Variants in GCLM observed in about 807,000 individuals in gnomAD.
GCLM encodes the protein glutamate--cysteine ligase regulatory subunit.
GCLM carries 15 observed loss-of-function variants against 36.0 expected under a neutral mutation model. That is an observed-to-expected ratio of 0.42 (90% CI 0.28 to 0.64). GCLM has a LOEUF of 0.64. GCLM is among the 30% of genes least tolerant of loss of function. The pLI is 0.25. For synonymous variants in GCLM, 129 were observed against 122.8 expected (o/e 1.05, Z -0.34); for missense variants, 242 against 325.5 (o/e 0.74, Z 1.97).
intron 1 of GCLM, among the ~76,000 whole-genome samples, chr1:93,905,150 G>A (rs1329943630): frequency 7.1e-6 from 1 of 140,772 alleles, no homozygotes; most frequent in African/African-American, 2.7e-5. Context: ...TCCAGCCTGG[G>A]CAACAGAGCA....
intron 2 of GCLM, among the ~76,000 whole-genome samples, chr1:93,902,605 T>A (rs575553530): frequency 6.6e-6 from 1 of 152,136 alleles, no homozygotes; most frequent in East Asian, 1.9e-4. Flanking sequence ...GCCTCCCCCA[T>A]TATCAACATA....
At position 93,897,828 on chromosome 1, in the gene GCLM, T is replaced by G; in HGVS notation, c.337+11A>C. 2 of 1,497,316 alleles carry G rather than the reference T, an allele frequency of 1.3e-6. No individual in the cohort carries two copies. Among genetic ancestry groups the G allele is most frequent in the Non-Finnish European group, 1.8e-6 (2 of 1,106,584 alleles). The allele number at this position is 1,497,316 out of a possible 1,614,324, so 92.8% of individuals were successfully genotyped here. ...TCCACTATTAAGATAAAAAATTCAGTTTTTGCTTACCCATGTCAACTGCAC... is the reference window on the plus strand; with the variant it reads ...TCCACTATTAAGATAAAAAATTCAGGTTTTGCTTACCCATGTCAACTGCAC... On this transcript the variant is annotated intron_variant, in intron 4 of 6. Transcript: ENST00000370238.
rs566276157 is a variant in GCLM at position 93,887,093 on chromosome 1, T to C, written c.*1897A>G. 1 of 151,250 alleles carries C rather than the reference T, an allele frequency of 6.6e-6. No homozygotes were observed. The highest frequency in any genetic ancestry group is 2.4e-5 in the African/African-American group (1 of 41,068). 9.4% of individuals were successfully genotyped at this position (151,250 alleles called of 1,614,324 possible). The stretch of plus-strand genomic sequence containing the variant: ...TCACTGCAAACTCCGCCTCCCAGGT[T>C]CAAGCGATTCTCGTGCCTCGCCTCC... On this transcript the variant is annotated 3_prime_UTR_variant, in exon 7 of 7. Coordinates refer to ENST00000370238, the MANE Select transcript of GCLM (RefSeq NM_002061.4).
intron 5 of GCLM, among the ~76,000 whole-genome samples, chr1:93,896,400 G>C (rs1656736153): frequency 1.3e-5 from 2 of 152,030 alleles, no homozygotes; most frequent in African/African-American, 2.4e-5. Context: ...TTAACATTCA[G>C]TTCAATCAGA....
intron 1 of GCLM, chr1:93,908,523 A>T (rs2100931799): frequency 6.6e-6 from 1 of 152,392 alleles, no homozygotes; most frequent in Non-Finnish European, 1.5e-5. Flanking sequence ...TATTTAGGGT[A>T]TTCCAAAGCC....
intron 6 of GCLM, among the ~76,000 whole-genome samples, chr1:93,892,405 T>A (rs1331894906): frequency 1.3e-5 from 2 of 152,104 alleles, no homozygotes; most frequent in Non-Finnish European, 2.9e-5. Flanking sequence ...TTTGGTTGCT[T>A]AAAAAAATAA....
chr1:93,891,438 CCTCT>C (rs1346724263), intron 6 of GCLM, among the ~76,000 whole-genome samples: 1 of 152,214 alleles, frequency 6.6e-6, no homozygotes, highest in African/African-American at 2.4e-5. Flanking sequence ...AGTAGAGAGG[CCTCT>C]CTGACTGTAC....
rs1410524260 is a variant in GCLM, at chr1:93,886,374, T to C, written c.*2616A>G. 2.0e-5 allele frequency: 3 copies of C among 152,194 alleles called. No homozygotes were observed. Among genetic ancestry groups the C allele is most frequent in the African/African-American group, 7.2e-5 (3 of 41,448 alleles). The allele number at this position is 152,194 out of a possible 1,614,324, so 9.4% of individuals were successfully genotyped here. On this transcript the variant is annotated 3_prime_UTR_variant, in exon 7 of 7. Transcript: ENST00000370238. ...GGTAGTATTACCACTCTCTATTTTATGGCTTTTTAAACATTAAGTCCTTAA... is the reference window on the plus strand; with the variant it reads ...GGTAGTATTACCACTCTCTATTTTACGGCTTTTTAAACATTAAGTCCTTAA...
At chr1:93,894,544 G>T in intron 6 of GCLM, 70 bp downstream of exon 6, 1 of 815,232 alleles carries the variant, frequency 1.2e-6, no homozygotes. Flanking sequence ...TTAAAATTAT[G>T]TATCAACAAA....
intron 3 of GCLM, among the ~76,000 whole-genome samples, chr1:93,898,369 T>G (rs897784713): frequency 6.7e-6 from 1 of 148,788 alleles, no homozygotes; most frequent in Non-Finnish European, 1.5e-5. Context: ...ATTTTCATTT[T>G]CAGACACTAT....
chr1:93,901,823 T>C (rs575742627), intron 2 of GCLM, among the ~76,000 whole-genome samples, 154 bp from the exon 3 acceptor site: 2 of 152,234 alleles, frequency 1.3e-5, no homozygotes, highest in Admixed American at 1.3e-4. Context: ...ACAAGGGTTG[T>C]AAAGCTCTGA....
rs1385361241 is a variant in GCLM, at chr1:93,888,193, T to TAC, written c.*795_*796dup. 6.6e-6 allele frequency: 1 copy of TAC among 152,210 alleles called. No individual in the cohort carries two copies. Among genetic ancestry groups the TAC allele is most frequent in the Non-Finnish European group, 1.5e-5 (1 of 68,024 alleles). 9.4% of individuals were successfully genotyped at this position (152,210 alleles called of 1,614,324 possible). ...ATCCCAACATATGGTAAATACTCAA[T>TAC]ACTTATTGAGGATTCTTGAATGAGT... is the stretch of plus-strand genomic sequence containing the variant. On this transcript the variant is annotated 3_prime_UTR_variant, in exon 7 of 7. Transcript: ENST00000370238.
intron 4 of GCLM, 107 bp downstream of exon 4, chr1:93,897,732 G>C: frequency 1.7e-6 from 1 of 604,956 alleles, no homozygotes; most frequent in Non-Finnish European, 2.9e-6. Context: ...GGTAAAATTG[G>C]AATCAACTCA....
chr1:93,908,568 TAGAG>T (rs368967352), intron 1 of GCLM: 1,890 of 152,496 alleles, frequency 0.012, 35 homozygotes, highest in African/African-American at 0.043. Flanking sequence ...CTCACTGCAA[TAGAG>T]AGTCTAATGT....
Position 93,909,394 on chromosome 1 carries a change from G to T in GCLM, c.-231C>A. 2 of 699,550 alleles carry T rather than the reference G, an allele frequency of 2.9e-6. No individual in the cohort carries two copies. Among genetic ancestry groups the T allele is most frequent in the Non-Finnish European group, 3.6e-6 (2 of 562,078 alleles). 43.3% of individuals were successfully genotyped at this position (699,550 alleles called of 1,614,324 possible). On this transcript the variant is annotated 5_prime_UTR_variant, in exon 1 of 7. Coordinates refer to ENST00000370238, the MANE Select transcript of GCLM (RefSeq NM_002061.4). ...ACCGGTGGCTGCGGCTCCGGCTCCG[G>T]CTACTGCGGCCGCAGCGGGAGAGCT...
chr1:93,902,157 TG>T (rs1170630082), intron 2 of GCLM, among the ~76,000 whole-genome samples: 3 of 152,200 alleles, frequency 2.0e-5, no homozygotes, highest in African/African-American at 7.2e-5. Context: ...ATTTAGTTTT[TG>T]GGTTTTTTTG....
In GCLM at chr1:93,886,045, A is replaced by G. The variant is rs1404811275; in HGVS notation, c.*2945T>C. The G allele has an allele frequency of 2.0e-5, 3 of 152,176 alleles. No homozygotes were observed. The highest frequency in any genetic ancestry group is 4.8e-5 in the African/African-American group (2 of 41,458). The allele number at this position is 152,176 out of a possible 1,614,324, so 9.4% of individuals were successfully genotyped here. A position where few individuals can be genotyped will look rare whatever the true frequency, so the allele number is the denominator to read the frequency against. On this transcript the variant is annotated 3_prime_UTR_variant, in exon 7 of 7. Transcript: ENST00000370238. ...GATTCAATTTCTAGCAATGGCCATC[A>G]TAGTATGGTCTTTTACATCATGTGA...
chr1:93,906,095 G>T (rs1056632113), intron 1 of GCLM, among the ~76,000 whole-genome samples: 1 of 152,058 alleles, frequency 6.6e-6, no homozygotes. Flanking sequence ...ACTTTACTAC[G>T]TATATCTTAG....
At chr1:93,901,859 G>GTGTGTT (rs1656962310) in intron 2 of GCLM, among the ~76,000 whole-genome samples, 190 bp from the exon 3 acceptor site, 1 of 151,766 alleles carries the variant, frequency 6.6e-6, no homozygotes. Context: ...GGGTGTGTGT[G>GTGTGTT]TGTGTTTGTG....
Sources: gnomAD v4.1 joint callset for allele counts (sites outside exome capture counted in the v4.1 genomes callset) on GRCh38, gnomAD v4.1.1 for gene constraint, MANE v1.5 for transcripts, NCBI Gene and HGNC (gene_info 2026-07-23, HGNC 2026-07-21) for gene names.